The following NHS variants were observed in gnomAD, a reference collection of about 807,000 sequenced individuals.
NHS encodes NHS actin remodeling regulator, also known as actin remodeling regulator NHS.
A neutral mutation model predicts 72.5 loss-of-function variants in NHS; 5 were observed. That is an observed-to-expected ratio of 0.07 (90% CI 0.04 to 0.14). The LOEUF (loss-of-function observed/expected upper bound fraction) is 0.14. Among genes scored for constraint, NHS ranks in the 10% least tolerant of loss-of-function variants. NHS has a pLI of 1.00. For synonymous variants in NHS, 464 were observed against 547.7 expected (o/e 0.85, Z 2.13); for missense variants, 1,072 against 1,355.7 (o/e 0.79, Z 3.29).
At chrX:17,547,235 G>A (rs1239100524) in intron 1 of NHS, among the ~76,000 whole-genome samples, 4 of 112,617 alleles carry the variant, frequency 3.6e-5, no homozygotes, top group Admixed American at 9.3e-5. Context: ...AGCACCTGCT[G>A]TGTGCCAGTC....
At chrX:17,424,216 A>G (rs1311811637) in intron 1 of NHS, among the ~76,000 whole-genome samples, 1 of 112,150 alleles carries the variant, frequency 8.9e-6, no homozygotes, top group African/African-American at 3.2e-5. Flanking sequence ...CAAGGGAGAC[A>G]AGCTGAGGGA....
At chrX:17,545,754 G>T (rs1050842254) in intron 1 of NHS, among the ~76,000 whole-genome samples, 3 of 111,930 alleles carry the variant, frequency 2.7e-5, no homozygotes, top group African/African-American at 9.7e-5. Context: ...AGATTTGGAA[G>T]GGTCCTATTC....
chrX:17,556,799 G>C (rs1385527696), intron 1 of NHS, among the ~76,000 whole-genome samples: 2 of 111,070 alleles, frequency 1.8e-5, no homozygotes, highest in African/African-American at 6.6e-5. Context: ...AAATCGGTTA[G>C]GTTGGATCAT....
In NHS at chrX:17,727,152, G is replaced by C; in HGVS notation, c.3046G>C (p.Ala1016Pro). 8.3e-7 allele frequency: 1 copy of C among 1,211,666 alleles called. No individual in the cohort carries two copies. Among genetic ancestry groups the C allele is most frequent in the Non-Finnish European group, 1.1e-6 (1 of 895,477 alleles). Residue 1016 changes from alanine to proline, a missense_variant, in exon 7 of 9, where the codon GCT (alanine) becomes CCT (proline). Physicochemically the swap from Ala to Pro is conservative, Grantham distance 27. Transcript: ENST00000676302. The stretch of plus-strand genomic sequence containing the variant: ...TAAACTGGCTTCACCAGAAAAGCTG[G>C]CTGGCTTGGCATCTCCATCAAGTGG... ...EFKLASPEKL[A>P]GLASPSSGYS...
intron 1 of NHS, among the ~76,000 whole-genome samples, chrX:17,568,296 G>A (rs768675183): frequency 4.5e-5 from 5 of 111,916 alleles, no homozygotes; most frequent in African/African-American, 1.3e-4. Context: ...TCCCCTCCAC[G>A]TGTGCTGGAT....
Position 17,618,886 on chromosome X carries a change from G to A in NHS, c.566-68856G>A, listed in dbSNP as rs185854974. ...CTTAACTTGAAGTTTAATTGTTGTC[G>A]GGTGGTCTAGTGGTTGGTTAATTGG... On this transcript the variant is annotated intron_variant, in intron 1 of 8. Transcript: ENST00000676302. Among the ~76,000 whole-genome samples, 150 of 112,033 alleles carry A rather than the reference G, an allele frequency of 1.3e-3. 1 individual carries two copies. The highest frequency in any genetic ancestry group is 8.3e-4 in the Non-Finnish European group (44 of 53,216).
At chrX:17,494,347 G>T (rs1285662815) in intron 1 of NHS, among the ~76,000 whole-genome samples, 1 of 111,566 alleles carries the variant, frequency 9.0e-6, no homozygotes, top group Non-Finnish European at 1.9e-5. Context: ...CCAAAGTGCT[G>T]GGATTACAGG....
chrX:17,492,173 T>A (rs2064995045), intron 1 of NHS, among the ~76,000 whole-genome samples: 1 of 111,776 alleles, frequency 8.9e-6, no homozygotes, highest in African/African-American at 3.3e-5. Context: ...TGTCGTCTGC[T>A]AGCTTTTGAA....
intron 1 of NHS, among the ~76,000 whole-genome samples, chrX:17,566,055 T>C (rs1266871937): frequency 3.7e-5 from 4 of 108,683 alleles, no homozygotes; most frequent in Non-Finnish European, 7.6e-5. Flanking sequence ...CACGGCTCAC[T>C]GCAGCCTCGA....
At chrX:17,462,099 A>G (rs971470395) in intron 1 of NHS, among the ~76,000 whole-genome samples, 2 of 111,589 alleles carry the variant, frequency 1.8e-5, no homozygotes, top group African/African-American at 6.5e-5. Flanking sequence ...CAAGGATGTT[A>G]ATGCAGAAAA....
intron 1 of NHS, among the ~76,000 whole-genome samples, chrX:17,451,791 A>G (rs1013288751): frequency 1.8e-5 from 2 of 112,280 alleles, no homozygotes; most frequent in Admixed American, 9.4e-5. Context: ...ATAGGAGATC[A>G]CAGTCAATAT....
chrX:17,412,617 G>T (rs2064565952), intron 1 of NHS, among the ~76,000 whole-genome samples: 1 of 111,372 alleles, frequency 9.0e-6, no homozygotes, highest in Admixed American at 9.6e-5. Flanking sequence ...GAGAGAGAGA[G>T]AGAGAAAACA....
intron 1 of NHS, among the ~76,000 whole-genome samples, chrX:17,603,587 C>G (rs2065663411): frequency 8.9e-6 from 1 of 111,929 alleles, no homozygotes; most frequent in Admixed American, 9.4e-5. Flanking sequence ...ACCAAACCTA[C>G]TATACAGTTA....
chrX:17,536,156 C>T (rs2065222239), intron 1 of NHS, among the ~76,000 whole-genome samples: 1 of 111,579 alleles, frequency 9.0e-6, no homozygotes, highest in South Asian at 3.7e-4. Context: ...GAGATCAAGA[C>T]CATCCTGGCT....
chrX:17,726,374 G>A lies in NHS; in HGVS notation c.2268G>A (p.Met756Ile). 8.2e-7 allele frequency: 1 copy of A among 1,212,136 alleles called. No homozygotes were observed. The highest frequency in any genetic ancestry group is 1.1e-6 in the Non-Finnish European group (1 of 895,591). ...TGGGCTGCCCAAGCTTCACAAGCAT[G>A]GCCACTTATGACAGCTTTCTGGAAA... ...DSLGCPSFTS[M>I]ATYDSFLEKS... The change falls in exon 7 of 9, where the codon ATG becomes ATA. Residue 756 changes from methionine (M) to isoleucine (I), a missense_variant. Coordinates refer to ENST00000676302, the MANE Select transcript of NHS (RefSeq NM_001291867.2).
At position 17,615,251 on chromosome X, in the gene NHS, C is replaced by T. The variant is rs199519878; in HGVS notation, c.566-72491C>T. 3.0e-3 allele frequency among the ~76,000 whole-genome samples: 253 copies of T among 85,619 alleles called. 2 individuals carry two copies. The highest frequency in any genetic ancestry group is 5.8e-3 in the Middle Eastern group (1 of 173). 74.3% of individuals were successfully genotyped at this position (85,619 alleles called of 115,157 possible). On this transcript the variant is annotated intron_variant, in intron 1 of 8. Coordinates refer to ENST00000676302, the MANE Select transcript of NHS (RefSeq NM_001291867.2). ...ACATATATATACGTATATATATACA[C>T]ATATATACACATATATATATATATA...
intron 1 of NHS, among the ~76,000 whole-genome samples, chrX:17,400,382 T>C (rs893132624): frequency 4.5e-5 from 5 of 111,514 alleles, no homozygotes; most frequent in Non-Finnish European, 9.4e-5. Context: ...GGTCAGGATT[T>C]CGAGACCAGC....
intron 1 of NHS, among the ~76,000 whole-genome samples, chrX:17,579,829 C>T (rs774037960): frequency 1.8e-5 from 2 of 111,058 alleles, no homozygotes; most frequent in African/African-American, 6.6e-5. Flanking sequence ...ACACCCACTC[C>T]ACCCTGCTGC....
Position 17,375,706 on chromosome X carries a change from G to C in NHS, c.-52G>C, listed in dbSNP as rs1170540094. The C allele has an allele frequency of 8.8e-7, 1 of 1,141,083 alleles. No homozygotes were observed. 94.0% of individuals were successfully genotyped at this position (1,141,083 alleles called of 1,213,427 possible). On this transcript the variant is annotated 5_prime_UTR_variant, in exon 1 of 9. Transcript: ENST00000676302. ...CTCAGGTGGGCGCGCCCGGTCTCCA[G>C]CTCACAGGGGCGCTTGGAGGAGACC...
Sources: allele counts gnomAD v4.1 joint callset (sites outside exome capture counted in the v4.1 genomes callset), GRCh38; gene constraint gnomAD v4.1.1; transcripts MANE v1.5; gene names NCBI Gene and HGNC (gene_info 2026-07-23, HGNC 2026-07-21).